The following ZNF10 variants were observed in gnomAD, a reference collection of about 807,000 sequenced individuals.
ZNF10 encodes the protein zinc finger protein 10 (KOX 1).
In ZNF10, 8 loss-of-function variants were observed where a neutral mutation model predicts 12.2. That is an observed-to-expected ratio of 0.66 (90% CI 0.39 to 1.18). ZNF10 has a LOEUF of 1.18. Ranked by LOEUF, ZNF10 falls within the 50% of genes most tolerant of loss-of-function variation. The probability of loss-of-function intolerance (pLI) is 0.01; values close to 1 mark genes in which losing one functional copy is unlikely to be tolerated. For synonymous variants in ZNF10, 229 were observed against 228.2 expected, an observed-to-expected ratio of 1.00 and a Z score of -0.03; for missense variants, 603 against 678.9, an observed-to-expected ratio of 0.89 and a Z score of 1.24.
intron 1 of ZNF10, among the ~76,000 whole-genome samples, chr12:133,137,624 T>C (rs929087794): frequency 1.3e-4 from 20 of 152,198 alleles, no homozygotes; most frequent in Admixed American, 1.3e-4. Context: ...GCTGTTATTA[T>C]AGCAGTAATC....
Position 133,158,572 on chromosome 12 carries a change from G to T in ZNF10, c.*1604G>T, listed in dbSNP as rs934484823. 2.0e-5 allele frequency: 3 copies of T among 152,184 alleles called. No homozygotes were observed. The highest frequency in any genetic ancestry group is 7.2e-5 in the African/African-American group (3 of 41,450). The allele number at this position is 152,184 out of a possible 1,614,324, so 9.4% of individuals were successfully genotyped here. On this transcript the variant is annotated 3_prime_UTR_variant, in exon 5 of 5. Transcript: ENST00000248211. Reference sequence around the variant, plus strand: ...TCTGGTAAGTTAATAACCCACAAAAGATTCAGGAAGAGGATCTATTTTAAT... The same window carrying T: ...TCTGGTAAGTTAATAACCCACAAAATATTCAGGAAGAGGATCTATTTTAAT...
chr12:133,138,958 A>C (rs1419996738), intron 1 of ZNF10, among the ~76,000 whole-genome samples: 2 of 152,262 alleles, frequency 1.3e-5, no homozygotes, highest in African/African-American at 4.8e-5. Context: ...TACAAAGTAC[A>C]TATAGCATCC....
intron 1 of ZNF10, among the ~76,000 whole-genome samples, chr12:133,133,709 G>A (rs1011259115): frequency 2.0e-5 from 3 of 152,200 alleles, no homozygotes; most frequent in Non-Finnish European, 4.4e-5. Flanking sequence ...GAACGTTGTT[G>A]TGAAACTTGT....
intron 1 of ZNF10, among the ~76,000 whole-genome samples, chr12:133,140,477 T>A (rs1012987422): frequency 4.8e-4 from 72 of 151,480 alleles, no homozygotes; most frequent in African/African-American, 1.7e-3. Flanking sequence ...CAGGCACCAT[T>A]CTATGTTTTA....
At position 133,151,121 on chromosome 12, in the gene ZNF10, A is replaced by G. The variant is rs544402176; in HGVS notation, c.127A>G (p.Met43Val). 16 of 1,613,640 alleles carry G rather than the reference A, an allele frequency of 9.9e-6. No individual in the cohort carries two copies. The South Asian group carries it at 1.8e-4, about 18-fold the overall frequency. Residue 43 changes from methionine to valine, a missense_variant, in exon 3 of 5, where the codon ATG (methionine) becomes GTG (valine). By Grantham distance (21) the Met-to-Val change is conservative. Transcript: ENST00000248211. Reference protein sequence around the residue: ...TAQQIVYRNVMLENYKNLVSL... With the variant: ...TAQQIVYRNVVLENYKNLVSL... ...TCAGCAGATCGTGTACAGAAATGTGATGCTGGAGAACTATAAGAACCTGGT... is the reference window on the plus strand; with the variant it reads ...TCAGCAGATCGTGTACAGAAATGTGGTGCTGGAGAACTATAAGAACCTGGT...
chr12:133,130,734 C>T lies in ZNF10; in HGVS notation c.-80C>T, dbSNP rs1232416046. 2 of 152,494 alleles carry T rather than the reference C, an allele frequency of 1.3e-5. No homozygotes were observed. The highest frequency in any genetic ancestry group is 4.8e-5 in the African/African-American group (2 of 41,472). The allele number at this position is 152,494 out of a possible 1,614,324, so 9.4% of individuals were successfully genotyped here. On this transcript the variant is annotated 5_prime_UTR_variant, in exon 1 of 5. Transcript: ENST00000248211. ...GACGGGATCGCTTTCTCCCATCGAACCTTCTAGTTGCTTATTGCAGGTATA... is the reference window on the plus strand; with the variant it reads ...GACGGGATCGCTTTCTCCCATCGAATCTTCTAGTTGCTTATTGCAGGTATA...
At chr12:133,153,472 A>G (rs1394958104) in intron 4 of ZNF10, among the ~76,000 whole-genome samples, 1 of 152,180 alleles carries the variant, frequency 6.6e-6, no homozygotes, top group East Asian at 1.9e-4. Flanking sequence ...TATCATAGAT[A>G]TTCTTCATAG....
intron 4 of ZNF10, among the ~76,000 whole-genome samples, chr12:133,152,999 G>C (rs1331056739): frequency 6.6e-6 from 1 of 151,908 alleles, no homozygotes; most frequent in African/African-American, 2.4e-5. Context: ...GTATCTCAAA[G>C]CAAGTCTTTC....
chr12:133,148,196 C>T (rs772143949), intron 2 of ZNF10, among the ~76,000 whole-genome samples: 30 of 152,234 alleles, frequency 2.0e-4, no homozygotes, highest in Non-Finnish European at 3.5e-4. Context: ...TCTGGGCTCA[C>T]TGCAACCTCT....
intron 2 of ZNF10, among the ~76,000 whole-genome samples, chr12:133,148,244 C>T (rs896903579): frequency 2.0e-5 from 3 of 152,234 alleles, no homozygotes; most frequent in African/African-American, 4.8e-5. Context: ...CCTCAGCCTC[C>T]GAAGTAGCTG....
At chr12:133,133,090 A>T (rs1955890005) in intron 1 of ZNF10, among the ~76,000 whole-genome samples, 1 of 152,250 alleles carries the variant, frequency 6.6e-6, no homozygotes, top group Non-Finnish European at 1.5e-5. Context: ...AAATTTACAT[A>T]ACATGAAAAG....
At chr12:133,152,433 G>A (rs1284256972) in intron 4 of ZNF10, among the ~76,000 whole-genome samples, 2 of 151,596 alleles carry the variant, frequency 1.3e-5, no homozygotes, top group African/African-American at 4.8e-5. Flanking sequence ...TTTTCTTTTC[G>A]AGATGGAGTT....
chr12:133,140,221 A>G (rs1372700383), intron 1 of ZNF10, among the ~76,000 whole-genome samples: 29 of 142,168 alleles, frequency 2.0e-4, no homozygotes, highest in African/African-American at 6.6e-4. Flanking sequence ...AAAAAAAAAA[A>G]AAAAAAAAAA....
chr12:133,156,801 T>C lies in ZNF10; in HGVS notation c.1555T>C (p.Cys519Arg), dbSNP rs2135466130. The change falls in exon 5 of 5, where the codon TGT becomes CGT. Residue 519 changes from cysteine (C) to arginine (R), a missense_variant. Physicochemically the swap from Cys to Arg is radical, Grantham distance 180. Coordinates refer to ENST00000248211, the MANE Select transcript of ZNF10 (RefSeq NM_015394.5). Reference protein sequence around the residue: ...RIHVGEETYKCNQCGIIFSQN... With the variant: ...RIHVGEETYKRNQCGIIFSQN... The stretch of plus-strand genomic sequence containing the variant: ...TCATGTTGGAGAAGAGACCTATAAA[T>C]GTAATCAATGTGGCATTATCTTCAG... The C allele has an allele frequency of 1.3e-6, 2 of 1,559,312 alleles. No homozygotes were observed. The highest frequency in any genetic ancestry group is 1.7e-6 in the Non-Finnish European group (2 of 1,156,046).
chr12:133,136,505 T>A (rs935116224), intron 1 of ZNF10, among the ~76,000 whole-genome samples: 2 of 152,218 alleles, frequency 1.3e-5, no homozygotes, highest in Non-Finnish European at 2.9e-5. Flanking sequence ...TCTGCCTCCT[T>A]TTTGGGCTTC....
At chr12:133,155,175 G>T (rs1280640012) in intron 4 of ZNF10, among the ~76,000 whole-genome samples, 1 of 151,994 alleles carries the variant, frequency 6.6e-6, no homozygotes, top group Non-Finnish European at 1.5e-5. Context: ...GAGGAACTTA[G>T]ACTGTTAATA....
chr12:133,156,160 G>T lies in ZNF10; in HGVS notation c.914G>T (p.Ser305Ile). The T allele has an allele frequency of 1.2e-6, 2 of 1,613,730 alleles. No individual in the cohort carries two copies. Among genetic ancestry groups the T allele is most frequent in the Non-Finnish European group, 1.7e-6 (2 of 1,180,018 alleles). The part of the protein sequence containing the change: ...CKECGKSFSR[S>I]SHLIGHQKTH... Reference sequence around the variant, plus strand: ...GAATGTGGAAAGTCTTTCAGCCGGAGTTCTCACCTCATTGGACATCAAAAG... The same window carrying T: ...GAATGTGGAAAGTCTTTCAGCCGGATTTCTCACCTCATTGGACATCAAAAG... The change falls in exon 5 of 5, where the codon AGT (serine) becomes ATT (isoleucine). Residue 305 changes from serine to isoleucine, a missense_variant. Ser to Ile is a moderately radical substitution (Grantham distance 142, BLOSUM62 -2). Around this residue, in one of 3 missense-constraint regions of ZNF10, gnomAD observed 393 missense variants for 399.7 expected, o/e 0.98. Transcript: ENST00000248211.
chr12:133,157,144 A>G lies in ZNF10; in HGVS notation c.*176A>G. 3.9e-6 allele frequency: 2 copies of G among 511,320 alleles called. No individual in the cohort carries two copies. The highest frequency in any genetic ancestry group is 6.0e-6 in the Non-Finnish European group (2 of 330,878). 31.7% of individuals were successfully genotyped at this position (511,320 alleles called of 1,614,324 possible). A position where few individuals can be genotyped will look rare whatever the true frequency, so the allele number is the denominator to read the frequency against. ...GAAACCACAGATTTTATTTCAGTAC[A>G]CAAATCCATCAGATTTTCTTCTTTT... On this transcript the variant is annotated 3_prime_UTR_variant, in exon 5 of 5. Transcript: ENST00000248211.
At chr12:133,147,133 G>C (rs1011269656) in intron 2 of ZNF10, among the ~76,000 whole-genome samples, 5 of 152,178 alleles carry the variant, frequency 3.3e-5, no homozygotes, top group African/African-American at 1.2e-4. Context: ...GCTGTACCAC[G>C]TTTTGTTTAT....
Sources: allele counts gnomAD v4.1 joint callset (sites outside exome capture counted in the v4.1 genomes callset), GRCh38; gene constraint gnomAD v4.1.1; regional missense constraint gnomAD v4.1.1; transcripts MANE v1.5; gene names NCBI Gene and HGNC (gene_info 2026-07-23, HGNC 2026-07-21).